MAGI2: variants seen among roughly 807,000 people sequenced by gnomAD.
MAGI2 encodes the protein membrane associated guanylate kinase, WW and PDZ domain containing 2.
A neutral mutation model predicts 133.3 loss-of-function variants in MAGI2; 35 were observed. The observed-to-expected ratio is 0.26, with a 90% CI of 0.20 to 0.35. The LOEUF (loss-of-function observed/expected upper bound fraction) is 0.35, where lower values mean the gene tolerates loss of function less well. MAGI2 is among the 10% of genes least tolerant of loss of function. The pLI is 1.00. For synonymous variants in MAGI2, 729 were observed against 710.6 expected, an observed-to-expected ratio of 1.03 and a Z score of -0.41; for missense variants, 1,636 against 1,863.4, an observed-to-expected ratio of 0.88 and a Z score of 2.25.
intron 9 of MAGI2, among the ~76,000 whole-genome samples, chr7:78,295,263 T>G (rs1358778782): frequency 3.3e-5 from 5 of 152,208 alleles, no homozygotes; most frequent in Non-Finnish European, 5.9e-5. Flanking sequence ...TGTTTTCTTT[T>G]CAGCTGCTTC....
chr7:78,611,918 C>G (rs766004072), intron 3 of MAGI2, among the ~76,000 whole-genome samples: 1 of 152,210 alleles, frequency 6.6e-6, no homozygotes, highest in Non-Finnish European at 1.5e-5. Flanking sequence ...ACCACTCCAA[C>G]TACCCCCAGA....
At chr7:78,996,946 C>T (rs1193449559) in intron 2 of MAGI2, among the ~76,000 whole-genome samples, 3 of 141,052 alleles carry the variant, frequency 2.1e-5, no homozygotes, top group South Asian at 2.4e-4. Context: ...ATGTAGTGCC[C>T]GAGTCATATT....
At chr7:78,927,216 G>C (rs1311095372) in intron 2 of MAGI2, among the ~76,000 whole-genome samples, 1 of 151,832 alleles carries the variant, frequency 6.6e-6, no homozygotes, top group Non-Finnish European at 1.5e-5. Context: ...GCCTTAGTTG[G>C]GCCACTTAAA....
At chr7:78,645,392 C>T (rs762607534) in intron 2 of MAGI2, among the ~76,000 whole-genome samples, 5 of 151,954 alleles carry the variant, frequency 3.3e-5, no homozygotes, top group African/African-American at 4.8e-5. Flanking sequence ...CATGAACATA[C>T]ATACAAAAAA....
intron 1 of MAGI2, among the ~76,000 whole-genome samples, chr7:79,276,669 G>T (rs757571294): frequency 6.6e-6 from 1 of 152,130 alleles, no homozygotes; most frequent in East Asian, 1.9e-4. Flanking sequence ...GACAATAAAT[G>T]ATTTAAATAT....
chr7:78,098,535 G>T (rs1230250876), intron 20 of MAGI2, among the ~76,000 whole-genome samples: 1 of 151,812 alleles, frequency 6.6e-6, no homozygotes, highest in Non-Finnish European at 1.5e-5. Context: ...TCTAATATTT[G>T]CAATTAAAAA....
chr7:78,788,685 C>A (rs1262494309), intron 2 of MAGI2, among the ~76,000 whole-genome samples: 1 of 152,020 alleles, frequency 6.6e-6, no homozygotes, highest in Non-Finnish European at 1.5e-5. Flanking sequence ...TAGGAAAGTA[C>A]TACACCTCAC....
chr7:78,742,866 G>T (rs1433961566), intron 2 of MAGI2, among the ~76,000 whole-genome samples: 1 of 152,190 alleles, frequency 6.6e-6, no homozygotes, highest in African/African-American at 2.4e-5. Flanking sequence ...GATGCAAGTA[G>T]TCTGATTGGG....
At chr7:79,038,530 C>G (rs1414825402) in intron 1 of MAGI2, among the ~76,000 whole-genome samples, 5 of 152,088 alleles carry the variant, frequency 3.3e-5, no homozygotes, top group Non-Finnish European at 7.4e-5. Flanking sequence ...GTTATACTTT[C>G]ATTTTTTAAA....
At chr7:78,224,915 C>T (rs974279782) in intron 10 of MAGI2, among the ~76,000 whole-genome samples, 56 of 151,998 alleles carry the variant, frequency 3.7e-4, no homozygotes, top group African/African-American at 1.1e-3. Context: ...TTCTCAGGAC[C>T]CCAGACTGTC....
intron 1 of MAGI2, among the ~76,000 whole-genome samples, chr7:79,073,727 C>T (rs997355353): frequency 4.6e-5 from 7 of 151,686 alleles, no homozygotes; most frequent in Non-Finnish European, 1.0e-4. Flanking sequence ...GGATAAAGAC[C>T]TGCATGATCT....
At chr7:78,971,927 A>C (rs1803822605) in intron 2 of MAGI2, among the ~76,000 whole-genome samples, 2 of 152,052 alleles carry the variant, frequency 1.3e-5, no homozygotes, top group South Asian at 4.1e-4. Context: ...GTAGAAATGT[A>C]TTCCTAGTAC....
At chr7:79,122,798 T>C (rs1485959674) in intron 1 of MAGI2, among the ~76,000 whole-genome samples, 1 of 151,924 alleles carries the variant, frequency 6.6e-6, no homozygotes, top group Admixed American at 6.6e-5. Flanking sequence ...TTCAAGTAAT[T>C]CTCCTGCCTC....
At chr7:78,437,413 A>G (rs1800402455) in intron 6 of MAGI2, among the ~76,000 whole-genome samples, 1 of 152,224 alleles carries the variant, frequency 6.6e-6, no homozygotes, top group Non-Finnish European at 1.5e-5. Context: ...CTGAGGGCAT[A>G]ACAGATTCTA....
intron 1 of MAGI2, among the ~76,000 whole-genome samples, chr7:79,176,378 T>C (rs1000681147): frequency 3.3e-5 from 5 of 151,956 alleles, no homozygotes; most frequent in Non-Finnish European, 7.4e-5. Flanking sequence ...TCCTGTTGAA[T>C]TAGGCCTGCA....
chr7:79,376,599 A>C (rs1843394836), intron 1 of MAGI2, among the ~76,000 whole-genome samples: 2 of 152,010 alleles, frequency 1.3e-5, no homozygotes, highest in African/African-American at 4.8e-5. Flanking sequence ...GGTAGCGTCT[A>C]CAATGTAGAT....
intron 1 of MAGI2, among the ~76,000 whole-genome samples, chr7:79,343,541 T>G (rs1329431712): frequency 2.4e-5 from 1 of 41,596 alleles, no homozygotes; most frequent in Non-Finnish European, 5.1e-5. Flanking sequence ...GCCTGATGTA[T>G]TTTCTTTAAA....
intron 1 of MAGI2, among the ~76,000 whole-genome samples, chr7:79,427,104 G>A (rs967692057): frequency 2.6e-5 from 4 of 152,066 alleles, no homozygotes; most frequent in African/African-American, 9.7e-5. Context: ...GCAGTTTTTG[G>A]ACACAAACTT....
intron 3 of MAGI2, among the ~76,000 whole-genome samples, chr7:78,600,408 G>A (rs1805073612): frequency 6.6e-6 from 1 of 151,940 alleles, no homozygotes. Flanking sequence ...TTAAAATATA[G>A]ATATTCTATC....
Sources: gnomAD v4.1 joint callset for allele counts (sites outside exome capture counted in the v4.1 genomes callset) on GRCh38, gnomAD v4.1.1 for gene constraint, MANE v1.5 for transcripts, NCBI Gene and HGNC (gene_info 2026-07-23, HGNC 2026-07-21) for gene names.